Variants in C8orf34 observed in about 807,000 individuals in gnomAD.
The protein encoded by C8orf34 is chromosome 8 open reading frame 34, also known as uncharacterized protein C8orf34.
Under a neutral mutation model 68.3 loss-of-function variants are expected in C8orf34, and 65 were observed. That is an observed-to-expected ratio of 0.95 (90% confidence interval 0.78 to 1.17). C8orf34 has a LOEUF of 1.17. Among genes scored for constraint, C8orf34 ranks in the 50% most tolerant of loss-of-function variants. The pLI, the probability that C8orf34 is intolerant of heterozygous loss-of-function variation, is 0.00. For synonymous variants in C8orf34, 244 were observed against 241.2 expected, an observed-to-expected ratio of 1.01 and a Z score of -0.11; for missense variants, 664 against 655.4, an observed-to-expected ratio of 1.01 and a Z score of -0.14.
intron 10 of C8orf34, among the ~76,000 whole-genome samples, chr8:68,773,332 C>G (rs1227743162): frequency 4.6e-5 from 7 of 152,122 alleles, no homozygotes; most frequent in African/African-American, 1.7e-4. Context: ...GGCCTTGTAC[C>G]ACACTTGCAT....
At chr8:68,393,679 T>G (rs983548456) in intron 1 of C8orf34, among the ~76,000 whole-genome samples, 1 of 152,124 alleles carries the variant, frequency 6.6e-6, no homozygotes, top group Admixed American at 6.6e-5. Flanking sequence ...GCGATGAAAT[T>G]AGAGAATTCA....
intron 3 of C8orf34, among the ~76,000 whole-genome samples, chr8:68,459,153 G>T (rs1307066463): frequency 1.3e-5 from 2 of 152,060 alleles, no homozygotes; most frequent in African/African-American, 4.8e-5. Context: ...GCATTGTCTG[G>T]CTATCATTAA....
At chr8:68,336,174 CAT>C (rs929555055) in intron 1 of C8orf34, among the ~76,000 whole-genome samples, 12 of 151,602 alleles carry the variant, frequency 7.9e-5, no homozygotes, top group African/African-American at 2.9e-4. Context: ...ACAAAAATAA[CAT>C]AGGCTTTCCT....
intron 1 of C8orf34, among the ~76,000 whole-genome samples, chr8:68,368,301 T>C (rs1025189662): frequency 2.0e-5 from 3 of 152,222 alleles, no homozygotes; most frequent in African/African-American, 7.2e-5. Flanking sequence ...ATTTTCAGTG[T>C]AAAGAGGCAT....
chr8:68,446,306 T>A (rs1257095753), intron 2 of C8orf34, 23 bp from the exon 3 acceptor site: 3 of 1,558,566 alleles, frequency 1.9e-6, no homozygotes, highest in African/African-American at 2.8e-5. Flanking sequence ...TGTTGCCATT[T>A]TATATATATT....
intron 8 of C8orf34, among the ~76,000 whole-genome samples, chr8:68,680,688 C>A (rs1820341959): frequency 6.6e-6 from 1 of 152,132 alleles, no homozygotes. Context: ...ACAAAGATCA[C>A]AAGGCAAAGG....
chr8:68,592,027 T>A (rs1434939), intron 7 of C8orf34, among the ~76,000 whole-genome samples: 50,182 of 152,016 alleles, frequency 0.33, 8,609 homozygotes, highest in Non-Finnish European at 0.38. Context: ...ATCACAGCTA[T>A]TTGCGCTTTT....
chr8:68,630,945 ATTTTTT>A (rs36031699), intron 7 of C8orf34, among the ~76,000 whole-genome samples: 4 of 118,352 alleles, frequency 3.4e-5, no homozygotes, highest in Admixed American at 1.8e-4. Context: ...ATGCCCAGCT[ATTTTTT>A]TTTTTTTTTT....
rs1815520556 is a variant in C8orf34, at chr8:68,537,383, CAG to C, written c.1105+4236_1105+4237del. On this transcript the variant is annotated intron_variant, in intron 7 of 13. Transcript: ENST00000518698. ...TGCTCATTGGAAGTAATCAGGATAA[CAG>C]AAAAGTTATCACCTTAAAATGAATG... 2.1e-5 allele frequency among the ~76,000 whole-genome samples: 3 copies of C among 142,332 alleles called. No individual in the cohort carries two copies. In the Middle Eastern group the frequency reaches 0.011, roughly 523 times the overall value. The allele number at this position is 142,332 out of a possible 152,430, so 93.4% of individuals were successfully genotyped here. A position where few individuals can be genotyped will look rare whatever the true frequency, so the allele number is the denominator to read the frequency against.
intron 9 of C8orf34, among the ~76,000 whole-genome samples, chr8:68,716,840 T>G (rs1821487974): frequency 6.6e-6 from 1 of 151,936 alleles, no homozygotes; most frequent in South Asian, 2.1e-4. Flanking sequence ...AGTATGTTCA[T>G]GGATAGGGAA....
intron 6 of C8orf34, among the ~76,000 whole-genome samples, chr8:68,528,422 C>T (rs1815104902): frequency 6.6e-6 from 1 of 152,218 alleles, no homozygotes. Context: ...TCTTGTTTCT[C>T]ACCCACCTTG....
intron 11 of C8orf34, among the ~76,000 whole-genome samples, chr8:68,778,983 C>A (rs1301178245): frequency 6.6e-6 from 1 of 151,808 alleles, no homozygotes; most frequent in Admixed American, 6.6e-5. Context: ...TCAAAACCAG[C>A]CTGGGCAACA....
intron 5 of C8orf34, among the ~76,000 whole-genome samples, chr8:68,514,832 G>A (rs1169465335): frequency 6.6e-6 from 1 of 152,094 alleles, no homozygotes; most frequent in African/African-American, 2.4e-5. Flanking sequence ...TGGAGTTGGG[G>A]TATTTGTGGA....
At chr8:68,555,871 A>G (rs1430803902) in intron 7 of C8orf34, among the ~76,000 whole-genome samples, 3 of 152,066 alleles carry the variant, frequency 2.0e-5, no homozygotes, top group Non-Finnish European at 4.4e-5. Flanking sequence ...TCTATTCATC[A>G]ATTTCCAGAT....
At position 68,650,572 on chromosome 8, in the gene C8orf34, C is replaced by T. The variant is rs907470872; in HGVS notation, c.1241+10061C>T. ...TCGGCTCACTGCAAGCTCCGCCTCC[C>T]GGGTTCACGCCATTCTCCTGCCTCA... On this transcript the variant is annotated intron_variant, in intron 8 of 13. Coordinates refer to ENST00000518698, the MANE Select transcript of C8orf34 (RefSeq NM_052958.4). 4.0e-5 allele frequency among the ~76,000 whole-genome samples: 6 copies of T among 151,128 alleles called. No homozygotes were observed. The East Asian group carries it at 9.8e-4, about 25-fold the overall frequency.
At chr8:68,374,122 C>G (rs190660770) in intron 1 of C8orf34, among the ~76,000 whole-genome samples, 3 of 152,194 alleles carry the variant, frequency 2.0e-5, no homozygotes, top group African/African-American at 4.8e-5. Flanking sequence ...GCTATTTTTC[C>G]CAGGATGGTC....
chr8:68,533,303 T>G, intron 7 of C8orf34, 154 bp downstream of exon 7: 1 of 1,378,412 alleles, frequency 7.3e-7, no homozygotes, highest in Non-Finnish European at 9.3e-7. Flanking sequence ...TCACATAAAG[T>G]TGCATGTAAG....
intron 7 of C8orf34, chr8:68,625,378 G>T: frequency 2.2e-6 from 1 of 464,512 alleles, no homozygotes; most frequent in Non-Finnish European, 3.8e-6. Context: ...TGTATCTAAT[G>T]TGGGAAGTGA....
At chr8:68,561,693 G>A (rs1386465037) in intron 7 of C8orf34, among the ~76,000 whole-genome samples, 1 of 152,180 alleles carries the variant, frequency 6.6e-6, no homozygotes, top group Non-Finnish European at 1.5e-5. Flanking sequence ...GGGAAGTGGA[G>A]GTTGCAGTGA....
Sources: gnomAD v4.1 joint callset for allele counts (sites outside exome capture counted in the v4.1 genomes callset) on GRCh38, gnomAD v4.1.1 for gene constraint, MANE v1.5 for transcripts, NCBI Gene and HGNC (gene_info 2026-07-23, HGNC 2026-07-21) for gene names.